Variants in CCDC85A observed in about 807,000 individuals in gnomAD.
CCDC85A encodes coiled-coil domain-containing protein 85A.
A neutral mutation model predicts 50.2 loss-of-function variants in CCDC85A; 38 were observed. That is an observed-to-expected ratio of 0.76 (90% CI 0.58 to 0.99). CCDC85A has a LOEUF of 0.99. CCDC85A is among the 50% of genes least tolerant of loss of function. The pLI, the probability that CCDC85A is intolerant of heterozygous loss-of-function variation, is 0.00. For synonymous variants in CCDC85A, 366 were observed against 301.4 expected (o/e 1.21, Z -2.22); for missense variants, 820 against 742.0 (o/e 1.11, Z -1.22).
intron 1 of CCDC85A, among the ~76,000 whole-genome samples, chr2:56,191,390 T>G (rs536292965): frequency 6.6e-6 from 1 of 152,320 alleles, no homozygotes; most frequent in South Asian, 2.1e-4. Context: ...AGATGTTTAC[T>G]GAGTATTTGT....
intron 3 of CCDC85A, among the ~76,000 whole-genome samples, chr2:56,354,622 T>C (rs1675128904): frequency 6.6e-6 from 1 of 152,166 alleles, no homozygotes; most frequent in Non-Finnish European, 1.5e-5. Flanking sequence ...GAAGAAGCTC[T>C]TGTACATGAT....
rs1397078564 is a variant in CCDC85A at position 56,384,483 on chromosome 2, A to G, written c.*128A>G. 8 of 714,324 alleles carry G rather than the reference A, an allele frequency of 1.1e-5. No homozygotes were observed. The highest frequency in any genetic ancestry group is 1.8e-5 in the African/African-American group (1 of 55,970). 44.2% of individuals were successfully genotyped at this position (714,324 alleles called of 1,614,324 possible). A position where few individuals can be genotyped will look rare whatever the true frequency, so the allele number is the denominator to read the frequency against. On this transcript the variant is annotated 3_prime_UTR_variant, in exon 6 of 6. Coordinates refer to ENST00000407595, the MANE Select transcript of CCDC85A (RefSeq NM_001080433.2). The stretch of plus-strand genomic sequence containing the variant: ...AACATGGAGTGATTGTACATTGCAC[A>G]TATCTCCCCTCTAAAACCTGTAGTA...
intron 2 of CCDC85A, among the ~76,000 whole-genome samples, chr2:56,261,885 G>T (rs1247695386): frequency 1.3e-5 from 2 of 152,110 alleles, no homozygotes; most frequent in Admixed American, 6.5e-5. Context: ...GCTCTCAACT[G>T]CCCAGAGGCC....
chr2:56,346,367 G>A (rs964214181), intron 3 of CCDC85A, among the ~76,000 whole-genome samples: 5 of 152,134 alleles, frequency 3.3e-5, no homozygotes, highest in African/African-American at 1.2e-4. Flanking sequence ...TTGGGCCCAT[G>A]TTTTATACAT....
intron 2 of CCDC85A, among the ~76,000 whole-genome samples, chr2:56,264,357 C>A (rs1670346263): frequency 6.6e-6 from 1 of 152,170 alleles, no homozygotes; most frequent in South Asian, 2.1e-4. Flanking sequence ...GCTCCCCTGG[C>A]TGCCTGCCCT....
At chr2:56,311,876 A>C (rs1351808779) in intron 2 of CCDC85A, among the ~76,000 whole-genome samples, 1 of 152,142 alleles carries the variant, frequency 6.6e-6, no homozygotes, top group African/African-American at 2.4e-5. Flanking sequence ...AAGCAGCAGC[A>C]GGAGTTACAT....
intron 2 of CCDC85A, among the ~76,000 whole-genome samples, chr2:56,261,613 G>T (rs1285307175): frequency 1.3e-5 from 2 of 152,290 alleles, no homozygotes; most frequent in African/African-American, 4.8e-5. Flanking sequence ...GGTAACATAC[G>T]CATGTCATGG....
intron 2 of CCDC85A, among the ~76,000 whole-genome samples, chr2:56,241,868 G>A (rs2103967181): frequency 6.6e-6 from 1 of 152,230 alleles, no homozygotes; most frequent in East Asian, 1.9e-4. Flanking sequence ...TGGATCATAA[G>A]GTAGCTCTAT....
intron 3 of CCDC85A, among the ~76,000 whole-genome samples, chr2:56,359,795 A>G (rs1014069413): frequency 8.5e-5 from 13 of 152,204 alleles, no homozygotes; most frequent in African/African-American, 3.1e-4. Flanking sequence ...CTTCCTTCAC[A>G]TGATCTTTGT....
chr2:56,364,898 C>T (rs1675713554), intron 3 of CCDC85A, among the ~76,000 whole-genome samples: 1 of 152,084 alleles, frequency 6.6e-6, no homozygotes, highest in Non-Finnish European at 1.5e-5. Context: ...GAACTTCATC[C>T]CAGGTAGTCT....
At chr2:56,276,836 G>A (rs1340453123) in intron 2 of CCDC85A, among the ~76,000 whole-genome samples, 3 of 152,142 alleles carry the variant, frequency 2.0e-5, no homozygotes, top group Admixed American at 1.3e-4. Context: ...TAACTTGAAG[G>A]TTGATGTACA....
intron 2 of CCDC85A, among the ~76,000 whole-genome samples, chr2:56,280,937 T>TA (rs1438817179): frequency 6.6e-6 from 1 of 152,206 alleles, no homozygotes; most frequent in Non-Finnish European, 1.5e-5. Context: ...CCTAGATTCT[T>TA]ACTTTTTTTA....
chr2:56,299,834 C>G (rs991006059), intron 2 of CCDC85A, among the ~76,000 whole-genome samples: 3 of 152,190 alleles, frequency 2.0e-5, no homozygotes, highest in Non-Finnish European at 4.4e-5. Flanking sequence ...CTTACCTTCC[C>G]CTCCATTCAT....
At chr2:56,370,726 A>G (rs1302578276) in intron 3 of CCDC85A, among the ~76,000 whole-genome samples, 1 of 152,118 alleles carries the variant, frequency 6.6e-6, no homozygotes, top group Admixed American at 6.6e-5. Context: ...CATAGATCCT[A>G]CCTTAGATTT....
At chr2:56,312,219 AG>A (rs1372322870) in intron 2 of CCDC85A, among the ~76,000 whole-genome samples, 1 of 152,142 alleles carries the variant, frequency 6.6e-6, no homozygotes, top group Non-Finnish European at 1.5e-5. Context: ...AAGCACCCTG[AG>A]GGCAGCTCTC....
At chr2:56,245,216 G>T (rs1018426392) in intron 2 of CCDC85A, among the ~76,000 whole-genome samples, 8 of 152,248 alleles carry the variant, frequency 5.3e-5, no homozygotes, top group African/African-American at 1.9e-4. Flanking sequence ...TTAGCCTGCA[G>T]TGGTGAGGCT....
rs72923435 is a variant in CCDC85A at position 56,251,124 on chromosome 2, T to C, written c.1240+57684T>C. Among the ~76,000 whole-genome samples the C allele has an allele frequency of 5.2e-3, 799 of 152,334 alleles. 7 individuals carry two copies. Among genetic ancestry groups the C allele is most frequent in the African/African-American group, 0.018 (758 of 41,570 alleles). On this transcript the variant is annotated intron_variant, in intron 2 of 5. Transcript: ENST00000407595. ...CCTCCCCCAGAGGTATCTCCTGGGA[T>C]CTATAAATAGTACTGCAACAATGTG... is the stretch of plus-strand genomic sequence containing the variant.
chr2:56,261,921 C>T (rs1027912209), intron 2 of CCDC85A, among the ~76,000 whole-genome samples: 1 of 152,212 alleles, frequency 6.6e-6, no homozygotes, highest in African/African-American at 2.4e-5. Flanking sequence ...TCTGGCCCCT[C>T]TTCCTCAACC....
intron 2 of CCDC85A, among the ~76,000 whole-genome samples, chr2:56,308,527 AAACAACAAC>A (rs370851408): frequency 1.3e-5 from 2 of 152,082 alleles, no homozygotes; most frequent in East Asian, 1.9e-4. Flanking sequence ...CAGACATGGA[AAACAACAAC>A]AACAACAACA....
Sources: gnomAD v4.1 joint callset for allele counts (sites outside exome capture counted in the v4.1 genomes callset) on GRCh38, gnomAD v4.1.1 for gene constraint, MANE v1.5 for transcripts, NCBI Gene and HGNC (gene_info 2026-07-23, HGNC 2026-07-21) for gene names.